The following NOL4 variants were observed in gnomAD, a reference collection of about 807,000 sequenced individuals.
NOL4 encodes the protein nucleolar protein 4.
Under a neutral mutation model 75.9 loss-of-function variants are expected in NOL4, and 17 were observed. That is an observed-to-expected ratio of 0.22 (90% CI 0.15 to 0.34). The LOEUF (loss-of-function observed/expected upper bound fraction) is 0.34, where lower values mean the gene tolerates loss of function less well. NOL4 is among the 10% of genes least tolerant of loss of function. The probability of loss-of-function intolerance (pLI) is 1.00; values close to 1 mark genes in which losing one functional copy is unlikely to be tolerated. For missense variants in NOL4, 614 were observed against 793.5 expected, an observed-to-expected ratio of 0.77 and a Z score of 2.72; for synonymous variants, 292 against 289.9, an observed-to-expected ratio of 1.01 and a Z score of -0.07.
intron 5 of NOL4, among the ~76,000 whole-genome samples, chr18:34,044,289 G>T (rs192762715): frequency 5.3e-4 from 81 of 152,006 alleles, no homozygotes; most frequent in Admixed American, 3.0e-3. Context: ...CATATGAAAA[G>T]AAAATAAAAT....
At chr18:33,942,046 A>C (rs1484520610) in intron 9 of NOL4, among the ~76,000 whole-genome samples, 3 of 151,956 alleles carry the variant, frequency 2.0e-5, no homozygotes, top group Admixed American at 2.0e-4. Context: ...TTAGCACATG[A>C]CATTTTAATA....
At position 33,939,680 on chromosome 18, in the gene NOL4, C is replaced by T. The variant is rs975307673; in HGVS notation, c.1542+3385G>A. 3.3e-5 allele frequency among the ~76,000 whole-genome samples: 5 copies of T among 152,092 alleles called. No homozygotes were observed. In the South Asian group the frequency reaches 1.0e-3, roughly 31 times the overall value. The stretch of plus-strand genomic sequence containing the variant: ...AGCTTAAGGAGATTTTGGGCTGAGA[C>T]AATGGGATTTTCTAAATATACAATA... On this transcript the variant is annotated intron_variant, in intron 9 of 10. Coordinates refer to ENST00000261592, the MANE Select transcript of NOL4 (RefSeq NM_003787.5).
chr18:33,857,279 C>A (rs531639157), intron 10 of NOL4, among the ~76,000 whole-genome samples: 17 of 152,116 alleles, frequency 1.1e-4, no homozygotes, highest in African/African-American at 4.1e-4. Context: ...GGTATGTGCT[C>A]AGAAAATATA....
At chr18:34,039,709 G>A (rs981895029) in intron 5 of NOL4, among the ~76,000 whole-genome samples, 3 of 151,932 alleles carry the variant, frequency 2.0e-5, no homozygotes, top group Non-Finnish European at 4.4e-5. Flanking sequence ...TTGGCAAAAT[G>A]TTCTTTCCAA....
intron 1 of NOL4, among the ~76,000 whole-genome samples, chr18:34,193,620 T>C (rs2035083537): frequency 6.6e-6 from 1 of 152,026 alleles, no homozygotes; most frequent in South Asian, 2.1e-4. Flanking sequence ...AAAAAAAACC[T>C]TTGCACACTG....
intron 4 of NOL4, among the ~76,000 whole-genome samples, chr18:34,102,916 G>A (rs1376435563): frequency 6.6e-6 from 1 of 151,700 alleles, no homozygotes; most frequent in Non-Finnish European, 1.5e-5. Flanking sequence ...GTAGCCATAT[G>A]GCAATATAAA....
intron 8 of NOL4, 60 bp from the exon 9 acceptor site, chr18:33,943,238 T>G: frequency 9.1e-7 from 1 of 1,100,810 alleles, no homozygotes; most frequent in Non-Finnish European, 1.4e-6. Context: ...AACAGGCCAA[T>G]GCTATTCTCA....
At chr18:34,129,699 G>A (rs988698538) in intron 2 of NOL4, among the ~76,000 whole-genome samples, 172 bp downstream of exon 2, 1 of 151,798 alleles carries the variant, frequency 6.6e-6, no homozygotes, top group Non-Finnish European at 1.5e-5. Flanking sequence ...TATATGAATA[G>A]ACTAGTGAAC....
At chr18:33,859,111 T>A (rs1441767580) in intron 10 of NOL4, among the ~76,000 whole-genome samples, 1 of 152,124 alleles carries the variant, frequency 6.6e-6, no homozygotes, top group Non-Finnish European at 1.5e-5. Context: ...GATTTGTATT[T>A]AATCAATTTT....
chr18:34,152,353 T>A (rs1375125775), intron 1 of NOL4, among the ~76,000 whole-genome samples: 3 of 152,024 alleles, frequency 2.0e-5, no homozygotes, highest in South Asian at 4.1e-4. Flanking sequence ...ATGAATGAAC[T>A]ACTTGTAAAT....
chr18:34,132,209 T>C (rs2080685588), intron 1 of NOL4, among the ~76,000 whole-genome samples: 1 of 152,218 alleles, frequency 6.6e-6, no homozygotes, highest in Non-Finnish European at 1.5e-5. Flanking sequence ...ATTTAGAGCC[T>C]AATCAGATAA....
At chr18:34,019,724 C>T (rs2074929809) in intron 5 of NOL4, 123 bp from the exon 6 acceptor site, 1 of 807,562 alleles carries the variant, frequency 1.2e-6, no homozygotes, top group Non-Finnish European at 1.9e-6. Flanking sequence ...GTAATTCATC[C>T]TCAGCAATAA....
At chr18:33,863,921 G>A (rs550010592) in intron 10 of NOL4, among the ~76,000 whole-genome samples, 159 of 152,262 alleles carry the variant, frequency 1.0e-3, no homozygotes, top group African/African-American at 3.6e-3. Context: ...CAGAGGTTCC[G>A]AAGCCTCAAA....
intron 5 of NOL4, among the ~76,000 whole-genome samples, chr18:34,040,235 C>A (rs182840859): frequency 4.0e-5 from 6 of 151,824 alleles, no homozygotes; most frequent in Non-Finnish European, 7.4e-5. Context: ...GTTGGGGGCA[C>A]AGTAGATTGG....
intron 10 of NOL4, among the ~76,000 whole-genome samples, chr18:33,879,554 A>G (rs2064133003): frequency 1.3e-5 from 2 of 152,000 alleles, no homozygotes; most frequent in African/African-American, 2.4e-5. Flanking sequence ...GGAGGCATGC[A>G]CCTGTAGTAC....
chr18:34,193,100 CA>C, intron 1 of NOL4, among the ~76,000 whole-genome samples: 1 of 152,060 alleles, frequency 6.6e-6, no homozygotes, highest in African/African-American at 2.4e-5. Flanking sequence ...ATACCATATA[CA>C]AAAATTAACA....
At chr18:34,159,711 C>T (rs1052483671) in intron 1 of NOL4, among the ~76,000 whole-genome samples, 7 of 152,280 alleles carry the variant, frequency 4.6e-5, no homozygotes, top group African/African-American at 1.7e-4. Context: ...CCAGTCCCTT[C>T]ACTCCCACCT....
At chr18:33,949,224 C>T (rs2069042975) in intron 8 of NOL4, among the ~76,000 whole-genome samples, 1 of 152,000 alleles carries the variant, frequency 6.6e-6, no homozygotes, top group Admixed American at 6.6e-5. Context: ...CTGGTGAATG[C>T]AAACTAAAAT....
chr18:33,903,313 G>A (rs908302513), intron 9 of NOL4, among the ~76,000 whole-genome samples: 1 of 152,040 alleles, frequency 6.6e-6, no homozygotes, highest in African/African-American at 2.4e-5. Flanking sequence ...AACAGCATGG[G>A]GGAAACTGCA....
Sources: gnomAD v4.1 joint callset for allele counts (sites outside exome capture counted in the v4.1 genomes callset) on GRCh38, gnomAD v4.1.1 for gene constraint, MANE v1.5 for transcripts, NCBI Gene and HGNC (gene_info 2026-07-23, HGNC 2026-07-21) for gene names.